Variants in CCDC178 observed in about 807,000 individuals in gnomAD.
The protein encoded by CCDC178 is coiled-coil domain-containing protein 178.
Under a neutral mutation model 117.4 loss-of-function variants are expected in CCDC178, and 126 were observed. That is an observed-to-expected ratio of 1.07 (90% CI 0.93 to 1.24). The LOEUF is 1.24. CCDC178 is among the 50% of genes most tolerant of loss of function. The pLI, the probability that CCDC178 is intolerant of heterozygous loss-of-function variation, is 0.00. For missense variants in CCDC178, 1,030 were observed against 986.9 expected (o/e 1.04, Z -0.59); for synonymous variants, 283 against 313.4 (o/e 0.90, Z 1.02).
intron 22 of CCDC178, among the ~76,000 whole-genome samples, chr18:32,947,498 T>A (rs1463225572): frequency 2.0e-5 from 3 of 152,260 alleles, no homozygotes; most frequent in Non-Finnish European, 1.5e-5. Context: ...CATTTGTATA[T>A]CTTCTTTGGT....
chr18:33,089,971 G>A (rs571323939), intron 21 of CCDC178, among the ~76,000 whole-genome samples: 3 of 152,198 alleles, frequency 2.0e-5, no homozygotes, highest in Admixed American at 1.3e-4. Flanking sequence ...CATGAACAGG[G>A]CAAATAAGAA....
chr18:33,056,935 G>A (rs894221020), intron 21 of CCDC178, among the ~76,000 whole-genome samples: 1 of 121,116 alleles, frequency 8.3e-6, no homozygotes, highest in African/African-American at 2.9e-5. Flanking sequence ...AATTGCTGGT[G>A]TTTATAAGTT....
At chr18:33,209,930 A>C (rs1409752034) in intron 20 of CCDC178, among the ~76,000 whole-genome samples, 1 of 152,044 alleles carries the variant, frequency 6.6e-6, no homozygotes, top group African/African-American at 2.4e-5. Flanking sequence ...AGAGAGAGAG[A>C]GAGAAAGAGA....
At chr18:32,983,391 A>G in intron 21 of CCDC178, 1 of 1,233,902 alleles carries the variant, frequency 8.1e-7, no homozygotes, top group East Asian at 2.5e-5. Flanking sequence ...AAATGAAGCC[A>G]TTTCAGAAGT....
intron 22 of CCDC178, among the ~76,000 whole-genome samples, chr18:32,959,389 G>A (rs762581793): frequency 1.1e-4 from 17 of 152,012 alleles, no homozygotes; most frequent in Non-Finnish European, 2.1e-4. Flanking sequence ...TTCTCATTTG[G>A]TGTACACTTT....
intron 21 of CCDC178, among the ~76,000 whole-genome samples, chr18:33,045,794 C>T (rs1031963040): frequency 5.3e-5 from 8 of 152,258 alleles, no homozygotes; most frequent in East Asian, 1.9e-4. Context: ...AGGCTGGGCA[C>T]GGTGACTGGT....
chr18:33,137,088 A>G (rs188838172), intron 20 of CCDC178, among the ~76,000 whole-genome samples: 1 of 152,324 alleles, frequency 6.6e-6, no homozygotes, highest in Admixed American at 6.5e-5. Flanking sequence ...AGTGAGAGCC[A>G]GAGAGAAGAA....
intron 20 of CCDC178, among the ~76,000 whole-genome samples, chr18:33,105,891 A>G (rs2057698488): frequency 6.6e-6 from 1 of 151,654 alleles, no homozygotes; most frequent in Non-Finnish European, 1.5e-5. Context: ...AAAAAGTAAG[A>G]CAGTTTCACA....
chr18:33,342,181 T>A (rs1422317140), intron 9 of CCDC178, among the ~76,000 whole-genome samples: 1 of 150,884 alleles, frequency 6.6e-6, no homozygotes, highest in African/African-American at 2.4e-5. Context: ...CCATAGAATA[T>A]CAGGAATAGT....
chr18:33,274,287 A>G (rs1363878671), intron 12 of CCDC178, among the ~76,000 whole-genome samples: 1 of 151,878 alleles, frequency 6.6e-6, no homozygotes, highest in Non-Finnish European at 1.5e-5. Context: ...TAGAATTGAA[A>G]CCCTTATAAA....
At chr18:33,321,608 AT>A (rs2145001964) in intron 11 of CCDC178, among the ~76,000 whole-genome samples, 1 of 152,184 alleles carries the variant, frequency 6.6e-6, no homozygotes, top group Non-Finnish European at 1.5e-5. Flanking sequence ...AGTATCAGAT[AT>A]TTTTAGAGTC....
At chr18:33,313,696 GC>G (rs1568137646) in intron 11 of CCDC178, among the ~76,000 whole-genome samples, 1 of 152,140 alleles carries the variant, frequency 6.6e-6, no homozygotes, top group Non-Finnish European at 1.5e-5. Context: ...GTTGAGACTT[GC>G]CCCACTTGCT....
At chr18:33,130,746 C>T (rs893613638) in intron 20 of CCDC178, among the ~76,000 whole-genome samples, 41 of 151,904 alleles carry the variant, frequency 2.7e-4, no homozygotes, top group Admixed American at 2.4e-3. Flanking sequence ...GCAAGAAATA[C>T]GTACTTCCTC....
intron 21 of CCDC178, among the ~76,000 whole-genome samples, chr18:32,997,226 G>T (rs2055532458): frequency 6.6e-6 from 1 of 152,082 alleles, no homozygotes; most frequent in South Asian, 2.1e-4. Context: ...TGTCAACTTG[G>T]CTACACCATG....
At chr18:32,950,780 T>G (rs1216372266) in intron 22 of CCDC178, among the ~76,000 whole-genome samples, 1 of 152,206 alleles carries the variant, frequency 6.6e-6, no homozygotes, top group Non-Finnish European at 1.5e-5. Flanking sequence ...GGAGACATAC[T>G]ACTTCAAAGG....
chr18:33,126,077 G>T (rs1026962436), intron 20 of CCDC178, among the ~76,000 whole-genome samples: 4 of 152,116 alleles, frequency 2.6e-5, no homozygotes, highest in African/African-American at 9.7e-5. Context: ...TGCTTTGCAA[G>T]GAATAGCTCC....
chr18:33,436,171 C>G (rs2064287557), intron 2 of CCDC178, among the ~76,000 whole-genome samples: 1 of 151,984 alleles, frequency 6.6e-6, no homozygotes, highest in Non-Finnish European at 1.5e-5. Flanking sequence ...TCATAGAAAA[C>G]AAGAGAAAGG....
At chr18:33,164,665 T>C (rs1012434496) in intron 20 of CCDC178, among the ~76,000 whole-genome samples, 3 of 152,114 alleles carry the variant, frequency 2.0e-5, no homozygotes, top group Non-Finnish European at 4.4e-5. Flanking sequence ...AATATCTGGG[T>C]TAATTAAAAA....
intron 11 of CCDC178, among the ~76,000 whole-genome samples, chr18:33,293,983 GA>G (rs1454376598): frequency 1.3e-5 from 2 of 152,114 alleles, no homozygotes; most frequent in Non-Finnish European, 2.9e-5. Context: ...GATGAAAAAA[GA>G]AGAGAAGAGG....
Sources: gnomAD v4.1 joint callset for allele counts (sites outside exome capture counted in the v4.1 genomes callset) on GRCh38, gnomAD v4.1.1 for gene constraint, MANE v1.5 for transcripts, NCBI Gene and HGNC (gene_info 2026-07-23, HGNC 2026-07-21) for gene names.